SGCZ: variants seen among roughly 807,000 people sequenced by gnomAD.
SGCZ encodes the protein zeta-sarcoglycan.
SGCZ carries 40 observed loss-of-function variants against 41.3 expected under a neutral mutation model. The ratio of observed to expected loss-of-function variants is 0.97; its 90% CI spans 0.75 to 1.26. The LOEUF is 1.26. Among genes scored for constraint, SGCZ ranks in the 50% most tolerant of loss-of-function variants. The pLI, the probability that SGCZ is intolerant of heterozygous loss-of-function variation, is 0.00. For synonymous variants in SGCZ, 206 were observed against 137.5 expected (o/e 1.50, Z -3.49); for missense variants, 552 against 369.8 (o/e 1.49, Z -4.04).
intron 1 of SGCZ, among the ~76,000 whole-genome samples, chr8:15,218,499 A>G (rs1343922553): frequency 1.3e-5 from 2 of 152,222 alleles, no homozygotes; most frequent in Non-Finnish European, 2.9e-5. Context: ...AGCTTTTGAT[A>G]TTATTAAACT....
At chr8:14,533,053 G>C (rs745942126) in intron 2 of SGCZ, among the ~76,000 whole-genome samples, 1 of 151,922 alleles carries the variant, frequency 6.6e-6, no homozygotes, top group Non-Finnish European at 1.5e-5. Context: ...GTGCAGGTTT[G>C]TTACATATAT....
intron 1 of SGCZ, among the ~76,000 whole-genome samples, chr8:14,576,681 C>G (rs921511659): frequency 1.2e-4 from 19 of 152,154 alleles, no homozygotes; most frequent in African/African-American, 4.6e-4. Context: ...TCTTTTTAAT[C>G]TAACTGATTA....
intron 1 of SGCZ, among the ~76,000 whole-genome samples, chr8:14,600,667 T>C (rs1373529406): frequency 6.6e-6 from 1 of 152,158 alleles, no homozygotes; most frequent in Non-Finnish European, 1.5e-5. Context: ...TCACAGCACA[T>C]ACCGCACTCT....
At chr8:14,207,283 G>A (rs530365761) in intron 4 of SGCZ, among the ~76,000 whole-genome samples, 1 of 152,234 alleles carries the variant, frequency 6.6e-6, no homozygotes, top group Non-Finnish European at 1.5e-5. Flanking sequence ...AAACTTTGCT[G>A]AGAATGTCTA....
intron 2 of SGCZ, among the ~76,000 whole-genome samples, chr8:14,480,027 G>A (rs1005636586): frequency 6.6e-6 from 1 of 152,186 alleles, no homozygotes; most frequent in African/African-American, 2.4e-5. Flanking sequence ...TTACGGGCGT[G>A]AGCCACGCGA....
chr8:15,093,323 G>C (rs558882101), intron 1 of SGCZ, among the ~76,000 whole-genome samples: 1 of 152,146 alleles, frequency 6.6e-6, no homozygotes, highest in African/African-American at 2.4e-5. Context: ...ATCAGGAATT[G>C]AGCTGGTTAT....
chr8:14,717,729 G>C (rs954542903), intron 1 of SGCZ, among the ~76,000 whole-genome samples: 1 of 152,096 alleles, frequency 6.6e-6, no homozygotes, highest in Non-Finnish European at 1.5e-5. Context: ...AAATGATACA[G>C]CCATTCTTAG....
intron 1 of SGCZ, among the ~76,000 whole-genome samples, chr8:15,187,231 T>C (rs1045560681): frequency 6.6e-6 from 1 of 152,136 alleles, no homozygotes; most frequent in African/African-American, 2.4e-5. Context: ...CCCAACATTA[T>C]ATTCCAAATC....
chr8:14,321,941 C>A (rs1307743783), intron 3 of SGCZ, among the ~76,000 whole-genome samples: 1 of 152,024 alleles, frequency 6.6e-6, no homozygotes, highest in Non-Finnish European at 1.5e-5. Flanking sequence ...TAATAATGAA[C>A]AAACTAAGGC....
chr8:14,239,478 G>A (rs1798781531), intron 3 of SGCZ, among the ~76,000 whole-genome samples: 1 of 152,104 alleles, frequency 6.6e-6, no homozygotes, highest in African/African-American at 2.4e-5. Context: ...TAGCATACAT[G>A]AGTTTGGTTT....
At chr8:14,105,823 G>C (rs1442046910) in intron 6 of SGCZ, among the ~76,000 whole-genome samples, 1 of 151,416 alleles carries the variant, frequency 6.6e-6, no homozygotes, top group African/African-American at 2.4e-5. Flanking sequence ...AATACCAGTT[G>C]GTTCTTATTC....
chr8:14,666,944 C>G (rs1030930104), intron 1 of SGCZ, among the ~76,000 whole-genome samples: 8 of 151,858 alleles, frequency 5.3e-5, no homozygotes, highest in African/African-American at 1.9e-4. Context: ...TAAACACACA[C>G]ATATATATGC....
intron 1 of SGCZ, among the ~76,000 whole-genome samples, chr8:14,830,020 G>A (rs897302919): frequency 3.3e-5 from 5 of 152,080 alleles, no homozygotes; most frequent in Non-Finnish European, 7.4e-5. Context: ...CACCGTGTTA[G>A]CCAGGGGTCT....
At chr8:14,814,412 C>G (rs1247171892) in intron 1 of SGCZ, among the ~76,000 whole-genome samples, 1 of 152,038 alleles carries the variant, frequency 6.6e-6, no homozygotes, top group Non-Finnish European at 1.5e-5. Flanking sequence ...CCCACTTGCA[C>G]AGAACTAGGA....
chr8:14,829,060 C>G (rs1404071299), intron 1 of SGCZ, among the ~76,000 whole-genome samples: 1 of 152,032 alleles, frequency 6.6e-6, no homozygotes, highest in Non-Finnish European at 1.5e-5. Context: ...ACATGTGTCC[C>G]TGAAACCTTT....
At chr8:14,884,589 T>C (rs900144187) in intron 1 of SGCZ, among the ~76,000 whole-genome samples, 15 of 152,032 alleles carry the variant, frequency 9.9e-5, no homozygotes, top group African/African-American at 3.6e-4. Flanking sequence ...GAGAAGGAAC[T>C]ACTCTCATGG....
intron 1 of SGCZ, among the ~76,000 whole-genome samples, chr8:14,932,741 C>T (rs1799954562): frequency 6.6e-6 from 1 of 151,974 alleles, no homozygotes; most frequent in African/African-American, 2.4e-5. Context: ...AATTAATAGT[C>T]TAAACAAACT....
intron 1 of SGCZ, among the ~76,000 whole-genome samples, chr8:14,696,770 C>A (rs1808976802): frequency 6.6e-6 from 1 of 150,378 alleles, no homozygotes; most frequent in Non-Finnish European, 1.5e-5. Flanking sequence ...TCATAAGTGT[C>A]TGTTTGCCAA....
At chr8:14,493,714 C>T (rs1475040626) in intron 2 of SGCZ, among the ~76,000 whole-genome samples, 1 of 151,944 alleles carries the variant, frequency 6.6e-6, no homozygotes, top group Admixed American at 6.6e-5. Flanking sequence ...TTTTGGTTTG[C>T]TCTTCAGTCT....
Sources: allele counts gnomAD v4.1 joint callset (sites outside exome capture counted in the v4.1 genomes callset), GRCh38; gene constraint gnomAD v4.1.1; transcripts MANE v1.5; gene names NCBI Gene and HGNC (gene_info 2026-07-23, HGNC 2026-07-21).